Variants in AOC2 observed in about 807,000 individuals in gnomAD.
AOC2 encodes the protein amine oxidase copper containing 2, also known as amine oxidase [copper-containing] 2.
In AOC2, 57 loss-of-function variants were observed where a neutral mutation model predicts 53.8. That is an observed-to-expected ratio of 1.06 (90% confidence interval 0.86 to 1.32). The LOEUF (loss-of-function observed/expected upper bound fraction) is 1.32. AOC2 is among the 40% of genes most tolerant of loss of function. The pLI is 0.00. For missense variants in AOC2, 1,008 were observed against 957.2 expected (o/e 1.05, Z -0.70); for synonymous variants, 404 against 399.0 (o/e 1.01, Z -0.15).
chr17:42,845,681 G>A lies in AOC2; in HGVS notation c.1055G>A (p.Arg352Gln), dbSNP rs764589106. 36 of 1,614,044 alleles carry A rather than the reference G, an allele frequency of 2.2e-5. No individual in the cohort carries two copies. Among genetic ancestry groups the A allele is most frequent in the East Asian group, 2.2e-5 (1 of 44,888 alleles). ...TTTGATGTTCGGTTCCAGGGTGAGC[G>A]AATAGCCTATGAAGTCAGTGTCCAG... ...RIFDVRFQGERIAYEVSVQEC... is the reference protein window; with the variant it reads ...RIFDVRFQGEQIAYEVSVQEC... The change falls in exon 1 of 4, where the codon CGA becomes CAA. Residue 352 changes from arginine (R) to glutamine (Q), a missense_variant. Arg to Gln is a conservative substitution (Grantham distance 43). Coordinates refer to ENST00000253799, the MANE Select transcript of AOC2 (RefSeq NM_009590.4).
At chr17:42,849,980 G>T in intron 3 of AOC2, 102 bp from the exon 4 acceptor site, 1 of 1,491,228 alleles carries the variant, frequency 6.7e-7, no homozygotes. Flanking sequence ...TGAGGCTGGG[G>T]AGAGTGGAAG....
chr17:42,844,708 C>T lies in AOC2; in HGVS notation c.82C>T (p.Pro28Ser), dbSNP rs755606778. 4 of 1,614,212 alleles carry T rather than the reference C, an allele frequency of 2.5e-6. No homozygotes were observed. The highest frequency in any genetic ancestry group is 2.2e-5 in the South Asian group (2 of 91,090). ...FALAYVLLTS[P>S]GGSSQPPHCP... ...CCTGGCCTATGTTTTGCTGACCAGC[C>T]CAGGTGGTTCCAGCCAGCCTCCCCA... Residue 28 changes from proline to serine, a missense_variant, in exon 1 of 4, where the codon CCA becomes TCA. Coordinates refer to ENST00000253799, the MANE Select transcript of AOC2 (RefSeq NM_009590.4).
rs894836472 is a variant in AOC2 at position 42,850,693 on chromosome 17, A to C, written c.*345A>C. The C allele has an allele frequency of 5.2e-6, 1 of 192,422 alleles. No individual in the cohort carries two copies. The highest frequency in any genetic ancestry group is 1.1e-5 in the Non-Finnish European group (1 of 94,796). 11.9% of individuals were successfully genotyped at this position (192,422 alleles called of 1,614,324 possible). A position where few individuals can be genotyped will look rare whatever the true frequency, so the allele number is the denominator to read the frequency against. On this transcript the variant is annotated 3_prime_UTR_variant, in exon 4 of 4. Transcript: ENST00000253799. ...AGATGTTGTATGTAATTTATAATAA[A>C]AAGTATTAGAGGAATTTTACTTGAA...
intron 2 of AOC2, 65 bp from the exon 3 acceptor site, chr17:42,849,536 G>A: frequency 6.2e-7 from 1 of 1,612,300 alleles, no homozygotes. Context: ...CGGATCTAAG[G>A]GACTCCTGGG....
Position 42,850,068 on chromosome 17 carries a change from CCTT to C in AOC2, c.2005-7_2005-5del, listed in dbSNP as rs761807846. The C allele has an allele frequency of 1.1e-4, 175 of 1,610,912 alleles. No individual in the cohort carries two copies. Among genetic ancestry groups the C allele is most frequent in the East Asian group, 4.7e-4 (21 of 44,808 alleles). On this transcript the variant is annotated splice_polypyrimidine_tract_variant and intron_variant, in intron 3 of 3. Coordinates refer to ENST00000253799, the MANE Select transcript of AOC2 (RefSeq NM_009590.4). ...ACGCTTCCATAGTCCTCCAGCTCCT[CCTT>C]CTTCTTGCAGGATCTGGTGGCTTGG...
chr17:42,849,457 A>G (rs2055629270), intron 2 of AOC2, 86 bp downstream of exon 2: 5 of 1,574,870 alleles, frequency 3.2e-6, no homozygotes, highest in East Asian at 4.5e-5. Context: ...TCCCACGGCT[A>G]CCATTCATCC....
chr17:42,850,348 G>A lies in AOC2; in HGVS notation c.2271G>A (p.Ter757=). ...CCCCTTTCTCTTACCACGGCTTCTA[G>A]TCCTGAGGGTGTGGCGGGCGGCGTG... ...DLPPFSYHGF[*] Residue 757 remains the stop codon, a stop_retained_variant, in exon 4 of 4, where the codon TAG becomes TAA. Coordinates refer to ENST00000253799, the MANE Select transcript of AOC2 (RefSeq NM_009590.4). The A allele has an allele frequency of 1.5e-5, 24 of 1,590,086 alleles. No homozygotes were observed. Among genetic ancestry groups the A allele is most frequent in the Non-Finnish European group, 2.1e-5 (24 of 1,162,308 alleles).
intron 1 of AOC2, among the ~76,000 whole-genome samples, chr17:42,848,548 T>TATATAC (rs1555552842): frequency 6.0e-4 from 78 of 131,092 alleles, no homozygotes; most frequent in African/African-American, 2.0e-3. Flanking sequence ...TATATATACA[T>TATATAC]ATATATATAT....
Position 42,845,310 on chromosome 17 carries a change from AG to A in AOC2, c.688del (p.Val230LeufsTer67), listed in dbSNP as rs2055586063. The A allele has an allele frequency of 6.2e-7, 1 of 1,613,340 alleles. No individual in the cohort carries two copies. Among genetic ancestry groups the A allele is most frequent in the Non-Finnish European group, 8.5e-7 (1 of 1,179,322 alleles). On this transcript the variant is annotated frameshift_variant, in exon 1 of 4. Coordinates refer to ENST00000253799, the MANE Select transcript of AOC2 (RefSeq NM_009590.4). LOFTEE classifies it high-confidence loss of function. ...TWMALYHNISGVGLFLHPVGL... is the reference protein window; with the variant it reads ...TWMALYHNISXVGLFLHPVGL... ...GGATGGCCCTCTACCATAACATCTC[AG>A]GGGTTGGTCTTTTCCTTCACCCCGT...
Position 42,846,091 on chromosome 17 carries a change from A to G in AOC2, c.1465A>G (p.Ile489Val), listed in dbSNP as rs1327675521. 1 of 1,602,636 alleles carries G rather than the reference A, an allele frequency of 6.2e-7. No homozygotes were observed. Among genetic ancestry groups the G allele is most frequent in the Admixed American group, 1.7e-5 (1 of 59,484 alleles). ...LEGRVHATGYINTAFLKGGEE... is the reference protein window; with the variant it reads ...LEGRVHATGYVNTAFLKGGEE... ...AGGGCGGGTCCATGCCACGGGTTATATCAACACAGCTTTCCTGAAAGGGGG... is the reference window on the plus strand; with the variant it reads ...AGGGCGGGTCCATGCCACGGGTTATGTCAACACAGCTTTCCTGAAAGGGGG... Residue 489 changes from isoleucine to valine, a missense_variant, in exon 1 of 4, where the codon ATC becomes GTC. Coordinates refer to ENST00000253799, the MANE Select transcript of AOC2 (RefSeq NM_009590.4).
Position 42,850,425 on chromosome 17 carries a change from A to G in AOC2, c.*77A>G. On this transcript the variant is annotated 3_prime_UTR_variant, in exon 4 of 4. Coordinates refer to ENST00000253799, the MANE Select transcript of AOC2 (RefSeq NM_009590.4). ...TCTACTTTCTATTCTCCGTGTTTTT[A>G]TCACACCTGCTCCCCAGATTCCCAC... 10 of 1,487,480 alleles carry G rather than the reference A, an allele frequency of 6.7e-6. No homozygotes were observed. Among genetic ancestry groups the G allele is most frequent in the Non-Finnish European group, 9.0e-6 (10 of 1,116,548 alleles). The allele number at this position is 1,487,480 out of a possible 1,614,324, so 92.1% of individuals were successfully genotyped here. A position where few individuals can be genotyped will look rare whatever the true frequency, so the allele number is the denominator to read the frequency against.
In AOC2 at chr17:42,850,253, G is replaced by T; in HGVS notation, c.2176G>T (p.Asp726Tyr). The T allele has an allele frequency of 6.2e-7, 1 of 1,614,158 alleles. No homozygotes were observed. The highest frequency in any genetic ancestry group is 1.3e-5 in the African/African-American group (1 of 75,024). Residue 726 changes from aspartate to tyrosine, a missense_variant, in exon 4 of 4, where the codon GAT (aspartate) becomes TAT (tyrosine). By Grantham distance (160) the Asp-to-Tyr change is radical. Transcript: ENST00000253799. ...PGSVYFEKGQ[D>Y]AGLCSINPVA... Reference sequence around the variant, plus strand: ...CAGTGTCTACTTTGAGAAGGGCCAGGATGCTGGGCTCTGCAGCATCAATCC... The same window carrying T: ...CAGTGTCTACTTTGAGAAGGGCCAGTATGCTGGGCTCTGCAGCATCAATCC...
rs776648909 is a variant in AOC2, at chr17:42,849,299, T to G, written c.1802T>G (p.Ile601Ser). The change falls in exon 2 of 4, where the codon ATC (isoleucine) becomes AGC (serine). Residue 601 changes from isoleucine to serine, a missense_variant. Transcript: ENST00000253799. ...NAWGHQRGYR[I>S]QIHSPLGIHI... Reference sequence around the variant, plus strand: ...TGGGGTCACCAGCGCGGGTACCGAATCCAGATCCACAGCCCCCTTGGCATA... The same window carrying G: ...TGGGGTCACCAGCGCGGGTACCGAAGCCAGATCCACAGCCCCCTTGGCATA... The G allele has an allele frequency of 6.8e-6, 11 of 1,613,920 alleles. No homozygotes were observed. The highest frequency in any genetic ancestry group is 8.5e-7 in the Non-Finnish European group (1 of 1,180,006).
chr17:42,844,872 A>G lies in AOC2; in HGVS notation c.246A>G (p.Ala82=), dbSNP rs912101640. The G allele has an allele frequency of 6.2e-7, 1 of 1,612,404 alleles. No homozygotes were observed. The highest frequency in any genetic ancestry group is 1.7e-5 in the Admixed American group (1 of 59,986). The part of the protein sequence containing the change: ...TQRLGPGLVD[A]AQAQPSDNCI... ...GGCTGGGGCCAGGGCTGGTGGACGC[A>G]GCCCAGGCTCAGCCCTCGGACAACT... The change falls in exon 1 of 4, where the codon GCA becomes GCG. Residue 82 remains alanine, a synonymous_variant. Coordinates refer to ENST00000253799, the MANE Select transcript of AOC2 (RefSeq NM_009590.4).
At position 42,850,095 on chromosome 17, in the gene AOC2, G is replaced by T. The variant is rs775150527; in HGVS notation, c.2018G>T (p.Trp673Leu). Residue 673 changes from tryptophan (W) to leucine (L), a missense_variant, in exon 4 of 4, where the codon TGG becomes TTG. By Grantham distance (61) the Trp-to-Leu change is moderately conservative. Transcript: ENST00000253799. Reference protein sequence around the residue: ...ETLLGEDLVAWVTASFLHIPH... With the variant: ...ETLLGEDLVALVTASFLHIPH... The stretch of plus-strand genomic sequence containing the variant: ...TTCTTCTTGCAGGATCTGGTGGCTT[G>T]GGTCACAGCCAGCTTCCTGCACATT... The T allele has an allele frequency of 2.5e-6, 4 of 1,613,760 alleles. No homozygotes were observed. Among genetic ancestry groups the T allele is most frequent in the Non-Finnish European group, 3.4e-6 (4 of 1,179,680 alleles).
At position 42,850,495 on chromosome 17, in the gene AOC2, G is replaced by A; in HGVS notation, c.*147G>A. The A allele has an allele frequency of 2.2e-6, 2 of 903,634 alleles. No homozygotes were observed. Among genetic ancestry groups the A allele is most frequent in the Non-Finnish European group, 3.2e-6 (2 of 626,258 alleles). 56.0% of individuals were successfully genotyped at this position (903,634 alleles called of 1,614,324 possible). A position where few individuals can be genotyped will look rare whatever the true frequency, so the allele number is the denominator to read the frequency against. On this transcript the variant is annotated 3_prime_UTR_variant, in exon 4 of 4. Transcript: ENST00000253799. ...CACGAAACCCCCATCAGTCCCTTTGGTTAATTCTTACTTCCTGTTCATCTC... is the reference window on the plus strand; with the variant it reads ...CACGAAACCCCCATCAGTCCCTTTGATTAATTCTTACTTCCTGTTCATCTC...
chr17:42,848,848 G>T (rs865799430), intron 1 of AOC2, among the ~76,000 whole-genome samples: 2 of 152,026 alleles, frequency 1.3e-5, no homozygotes, highest in Non-Finnish European at 2.9e-5. Flanking sequence ...ACCTCAGCTG[G>T]CCCTAAGTTT....
In AOC2 at chr17:42,845,459, G is replaced by A. The variant is rs1168620152; in HGVS notation, c.833G>A (p.Gly278Asp). The A allele has an allele frequency of 2.9e-5, 47 of 1,614,164 alleles. No homozygotes were observed. The highest frequency in any genetic ancestry group is 4.0e-5 in the Non-Finnish European group (47 of 1,180,024). ...CAGTTGGAACGGGAGTTTAAGTCTG[G>A]CCGGTTGGAAGTGGTTAGAGTCCCT... ...LGQLEREFKS[G>D]RLEVVRVPLP... The change falls in exon 1 of 4, where the codon GGC (glycine) becomes GAC (aspartate). Residue 278 changes from glycine (G) to aspartate (D), a missense_variant. Gly to Asp is a moderately conservative substitution (Grantham distance 94, BLOSUM62 -1). Coordinates refer to ENST00000253799, the MANE Select transcript of AOC2 (RefSeq NM_009590.4).
At chr17:42,846,742 C>T (rs1328067140) in intron 1 of AOC2, among the ~76,000 whole-genome samples, 1 of 152,154 alleles carries the variant, frequency 6.6e-6, no homozygotes, top group Non-Finnish European at 1.5e-5. Flanking sequence ...TCGGGAGGGC[C>T]ATCCCATTCC....
Sources: gnomAD v4.1 joint callset for allele counts (sites outside exome capture counted in the v4.1 genomes callset) on GRCh38, gnomAD v4.1.1 for gene constraint, MANE v1.5 for transcripts, NCBI Gene and HGNC (gene_info 2026-07-23, HGNC 2026-07-21) for gene names.